Variants in ZBTB7C observed in about 807,000 individuals in gnomAD.
ZBTB7C encodes zinc finger and BTB domain-containing protein 7C.
In ZBTB7C, 8 loss-of-function variants were observed where a neutral mutation model predicts 25.7. That is an observed-to-expected ratio of 0.31 (90% CI 0.18 to 0.56). The LOEUF (loss-of-function observed/expected upper bound fraction) is 0.56, where lower values mean the gene tolerates loss of function less well. ZBTB7C is among the 20% of genes least tolerant of loss of function. The probability of loss-of-function intolerance (pLI) is 0.91; values close to 1 mark genes in which losing one functional copy is unlikely to be tolerated. For missense variants in ZBTB7C, 824 were observed against 855.2 expected (o/e 0.96, Z 0.46); for synonymous variants, 394 against 369.0 (o/e 1.07, Z -0.78).
intron 3 of ZBTB7C, among the ~76,000 whole-genome samples, chr18:48,118,881 T>C (rs1383155004): frequency 6.6e-6 from 1 of 152,242 alleles, no homozygotes; most frequent in Non-Finnish European, 1.5e-5. Flanking sequence ...TCTTTCTTTC[T>C]TTTTTGTCTT....
chr18:48,123,885 G>A (rs1218186025), intron 3 of ZBTB7C, among the ~76,000 whole-genome samples: 1 of 151,980 alleles, frequency 6.6e-6, no homozygotes, highest in East Asian at 1.9e-4. Context: ...TTTTGTTAAT[G>A]TGAAGGGTTG....
chr18:48,040,203 G>T lies in ZBTB7C; in HGVS notation c.905C>A (p.Pro302Gln), dbSNP rs761990157. The change falls in exon 4 of 5, where the codon CCG (proline) becomes CAG (glutamine). Residue 302 changes from proline (P) to glutamine (Q), a missense_variant. Physicochemically the swap from Pro to Gln is moderately conservative, Grantham distance 76 (BLOSUM62 -1). Around this residue, in one of 4 missense-constraint regions of ZBTB7C, gnomAD observed 316 missense variants for 299.2 expected, o/e 1.06. Coordinates refer to ENST00000590800, the MANE Select transcript of ZBTB7C (RefSeq NM_001318841.2). The part of the protein sequence containing the change: ...EEKEELPPPP[P>Q]PPFPNDFFKD... ...GAAGAAGTCATTAGGGAAGGGTGGC[G>T]GTGGGGGTGGGGGCAGCTCCTCCTT... is the stretch of plus-strand genomic sequence containing the variant. 1.3e-6 allele frequency: 2 copies of T among 1,571,158 alleles called. No homozygotes were observed. The highest frequency in any genetic ancestry group is 8.6e-7 in the Non-Finnish European group (1 of 1,160,698).
intron 1 of ZBTB7C, among the ~76,000 whole-genome samples, chr18:48,367,079 C>A (rs1022517590): frequency 6.7e-6 from 1 of 149,216 alleles, no homozygotes; most frequent in Non-Finnish European, 1.5e-5. Flanking sequence ...ACATCTTCAG[C>A]AATTTTAAAA....
rs186786212 is a variant in ZBTB7C, at chr18:48,400,605, G to A, written c.-304+8621C>T. ...CACAGCCTCCCCTAGGGTGGCCCCC[G>A]CAACCTGTGTCCTGGGTTCACTGCA... On this transcript the variant is annotated intron_variant, in intron 1 of 4. Coordinates refer to ENST00000590800, the MANE Select transcript of ZBTB7C (RefSeq NM_001318841.2). Among the ~76,000 whole-genome samples, 5 of 152,220 alleles carry A rather than the reference G, an allele frequency of 3.3e-5. No homozygotes were observed. In the East Asian group the frequency reaches 5.8e-4, roughly 18 times the overall value.
rs111405694 is a variant in ZBTB7C, at chr18:48,398,765, T to C, written c.-304+10461A>G. Among the ~76,000 whole-genome samples the C allele has an allele frequency of 6.3e-3, 954 of 151,256 alleles. 11 individuals are homozygous for C. The highest frequency in any genetic ancestry group is 0.021 in the African/African-American group (887 of 41,280). On this transcript the variant is annotated intron_variant, in intron 1 of 4. Transcript: ENST00000590800. ...TTTGCCTGGCCTAGCATCCAGCACA[T>C]AGTGGGAGCTCAGGAAACACTGATT...
Position 48,032,367 on chromosome 18 carries a change from G to A in ZBTB7C, c.1209-2456C>T, listed in dbSNP as rs556237252. Among the ~76,000 whole-genome samples, 412 of 146,678 alleles carry A rather than the reference G, an allele frequency of 2.8e-3. 4 individuals carry two copies. The highest frequency in any genetic ancestry group is 4.1e-3 in the Non-Finnish European group (277 of 67,202). ...CCTGACCTTGTGATCTGCCCACCTCGGCCTCCCAAAGTGTTAGGATTACAG... is the reference window on the plus strand; with the variant it reads ...CCTGACCTTGTGATCTGCCCACCTCAGCCTCCCAAAGTGTTAGGATTACAG... On this transcript the variant is annotated intron_variant, in intron 4 of 4. Coordinates refer to ENST00000590800, the MANE Select transcript of ZBTB7C (RefSeq NM_001318841.2).
At chr18:48,111,428 G>A (rs2039235384) in intron 3 of ZBTB7C, among the ~76,000 whole-genome samples, 1 of 152,228 alleles carries the variant, frequency 6.6e-6, no homozygotes. Flanking sequence ...TAAAAAGTCA[G>A]TGATGAAACT....
At chr18:48,041,797 C>T (rs1388044831) in intron 3 of ZBTB7C, among the ~76,000 whole-genome samples, 1 of 151,230 alleles carries the variant, frequency 6.6e-6, no homozygotes, top group Non-Finnish European at 1.5e-5. Context: ...GTGATTTCAC[C>T]TATAAATATT....
intron 3 of ZBTB7C, among the ~76,000 whole-genome samples, chr18:48,154,677 G>GT (rs1016227563): frequency 5.1e-4 from 78 of 152,264 alleles, no homozygotes; most frequent in African/African-American, 1.8e-3. Flanking sequence ...TATAAAGGCA[G>GT]TTTTTTTACC....
At chr18:48,152,932 A>T (rs944515940) in intron 3 of ZBTB7C, among the ~76,000 whole-genome samples, 5 of 152,204 alleles carry the variant, frequency 3.3e-5, no homozygotes, top group Non-Finnish European at 5.9e-5. Context: ...AGGCCCAGGG[A>T]TGTTAAGTCA....
chr18:48,175,131 A>G lies in ZBTB7C; in HGVS notation c.-17+10803T>C, dbSNP rs2041626866. Among the ~76,000 whole-genome samples the G allele has an allele frequency of 2.6e-5, 4 of 152,234 alleles. No homozygotes were observed. In the South Asian group the frequency reaches 8.3e-4, roughly 32 times the overall value. The stretch of plus-strand genomic sequence containing the variant: ...TTTAATAAGAATGAGAAGGAAAAAA[A>G]TCCCTCAAACTGAAAAAAAAGGAAC... On this transcript the variant is annotated intron_variant, in intron 3 of 4. Transcript: ENST00000590800.
intron 1 of ZBTB7C, among the ~76,000 whole-genome samples, chr18:48,358,936 G>A (rs1166496591): frequency 1.3e-5 from 2 of 151,956 alleles, no homozygotes; most frequent in Non-Finnish European, 2.9e-5. Flanking sequence ...TTGATCACAG[G>A]TCCACAGGGG....
intron 2 of ZBTB7C, among the ~76,000 whole-genome samples, chr18:48,191,888 G>A (rs998872579): frequency 1.3e-5 from 2 of 152,236 alleles, no homozygotes; most frequent in East Asian, 3.8e-4. Context: ...CAGTTTGGCA[G>A]TTGTATACAA....
At chr18:48,050,898 T>C (rs56136868) in intron 3 of ZBTB7C, among the ~76,000 whole-genome samples, 17,167 of 152,228 alleles carry the variant, frequency 0.11, 1,234 homozygotes, top group South Asian at 0.17. Context: ...GGCATTTTTC[T>C]TCATGTTTTC....
chr18:48,099,895 CG>C (rs576526005), intron 3 of ZBTB7C, among the ~76,000 whole-genome samples: 2 of 152,204 alleles, frequency 1.3e-5, no homozygotes, highest in Admixed American at 6.5e-5. Flanking sequence ...CTCCCCCAGA[CG>C]TATTTCTGAA....
intron 2 of ZBTB7C, among the ~76,000 whole-genome samples, chr18:48,263,184 AG>A (rs1376931936): frequency 1.3e-5 from 2 of 152,214 alleles, no homozygotes; most frequent in African/African-American, 2.4e-5. Context: ...CAAGGCTTTC[AG>A]GTCTCTCCTT....
At chr18:48,141,149 C>CA (rs949226008) in intron 3 of ZBTB7C, among the ~76,000 whole-genome samples, 10 of 147,520 alleles carry the variant, frequency 6.8e-5, no homozygotes, top group Non-Finnish European at 6.0e-5. Flanking sequence ...CCGCACCACC[C>CA]CCCCCACTGT....
At chr18:48,274,455 T>C (rs2044585626) in intron 2 of ZBTB7C, among the ~76,000 whole-genome samples, 1 of 152,172 alleles carries the variant, frequency 6.6e-6, no homozygotes, top group African/African-American at 2.4e-5. Flanking sequence ...AGCTGCTGGT[T>C]TCTGCCATCT....
intron 3 of ZBTB7C, among the ~76,000 whole-genome samples, chr18:48,050,695 G>A (rs1489684964): frequency 6.6e-6 from 1 of 152,134 alleles, no homozygotes; most frequent in Non-Finnish European, 1.5e-5. Flanking sequence ...GAAGAGGCCA[G>A]ACCCAGGAAG....
Sources: gnomAD v4.1 joint callset for allele counts (sites outside exome capture counted in the v4.1 genomes callset) on GRCh38, gnomAD v4.1.1 for gene constraint, gnomAD v4.1.1 regional missense constraint, MANE v1.5 for transcripts, NCBI Gene and HGNC (gene_info 2026-07-23, HGNC 2026-07-21) for gene names.